Variants in TBC1D12 observed in about 807,000 individuals in gnomAD.
TBC1D12 encodes the protein TBC1 domain family, member 12.
In TBC1D12, 56 loss-of-function variants were observed where a neutral mutation model predicts 86.7. The observed-to-expected ratio is 0.65, with a 90% confidence interval of 0.52 to 0.81. The LOEUF (loss-of-function observed/expected upper bound fraction) is 0.81. Ranked by LOEUF, TBC1D12 falls within the 30% of genes least tolerant of loss-of-function variation. The pLI is 0.00. For missense variants in TBC1D12, 1,023 were observed against 1,038.8 expected, an observed-to-expected ratio of 0.98 and a Z score of 0.21; for synonymous variants, 421 against 411.7, an observed-to-expected ratio of 1.02 and a Z score of -0.27.
chr10:94,407,432 A>T (rs1030284064), intron 1 of TBC1D12, among the ~76,000 whole-genome samples: 3 of 152,246 alleles, frequency 2.0e-5, no homozygotes, highest in African/African-American at 7.2e-5. Flanking sequence ...CTGTAATCCC[A>T]ACACTTTGGG....
At chr10:94,448,090 A>T (rs2055496965) in intron 2 of TBC1D12, among the ~76,000 whole-genome samples, 1 of 152,098 alleles carries the variant, frequency 6.6e-6, no homozygotes, top group Middle Eastern at 3.2e-3. Flanking sequence ...ATAAATTTTG[A>T]CAGGCAAGGA....
intron 9 of TBC1D12, among the ~76,000 whole-genome samples, chr10:94,516,836 A>G (rs1378932155): frequency 1.3e-5 from 2 of 152,232 alleles, no homozygotes; most frequent in Middle Eastern, 3.4e-3. Context: ...CTCAATTTCT[A>G]TAAAGTATCC....
intron 1 of TBC1D12, among the ~76,000 whole-genome samples, chr10:94,428,690 A>G (rs1292708835): frequency 6.6e-6 from 1 of 151,900 alleles, no homozygotes; most frequent in Non-Finnish European, 1.5e-5. Flanking sequence ...GCTTGTAGAC[A>G]ACCTGTGGCC....
At position 94,533,162 on chromosome 10, in the gene TBC1D12, T is replaced by A; in HGVS notation, c.*66T>A. The A allele has an allele frequency of 1.0e-6, 1 of 985,682 alleles. No individual in the cohort carries two copies. Among genetic ancestry groups the A allele is most frequent in the Non-Finnish European group, 1.5e-6 (1 of 665,186 alleles). The allele number at this position is 985,682 out of a possible 1,614,324, so 61.1% of individuals were successfully genotyped here. ...TTTTGGATAAAGGTTTTTTGTTTCC[T>A]ATGTAAAAGGCGTGGAAGAAAATGT... On this transcript the variant is annotated 3_prime_UTR_variant, in exon 13 of 13. Coordinates refer to ENST00000225235, the MANE Select transcript of TBC1D12 (RefSeq NM_015188.2).
intron 2 of TBC1D12, among the ~76,000 whole-genome samples, chr10:94,467,567 T>C (rs968295655): frequency 2.6e-5 from 4 of 152,202 alleles, no homozygotes; most frequent in Non-Finnish European, 1.5e-5. Context: ...AATGTTAAGA[T>C]GTTTACTCAT....
intron 9 of TBC1D12, 87 bp from the exon 10 acceptor site, chr10:94,521,868 A>C: frequency 8.3e-7 from 1 of 1,202,642 alleles, no homozygotes; most frequent in Non-Finnish European, 1.1e-6. Context: ...TTGTAATGTC[A>C]CTGTAATTTT....
chr10:94,525,797 T>C lies in TBC1D12; in HGVS notation c.2000+3344T>C, dbSNP rs11816163. On this transcript the variant is annotated intron_variant, in intron 11 of 12. Coordinates refer to ENST00000225235, the MANE Select transcript of TBC1D12 (RefSeq NM_015188.2). ...AGATTTCTTTTTCTTTTCACTCTTT[T>C]GAAGTTTTAAAATATTTTTTTTAGT... 1.4e-3 allele frequency among the ~76,000 whole-genome samples: 220 copies of C among 152,216 alleles called. 3 individuals carry two copies. The highest frequency in any genetic ancestry group is 4.9e-3 in the African/African-American group (204 of 41,474).
intron 5 of TBC1D12, among the ~76,000 whole-genome samples, chr10:94,498,098 C>T (rs1206863118): frequency 2.0e-5 from 3 of 152,110 alleles, no homozygotes; most frequent in African/African-American, 7.2e-5. Flanking sequence ...AGATTACAGG[C>T]GTGAGCCACC....
In TBC1D12 at chr10:94,433,349, C is replaced by T. The variant is rs571336082; in HGVS notation, c.972-8547C>T. On this transcript the variant is annotated intron_variant, in intron 1 of 12. Transcript: ENST00000225235. ...GGCCAGGCTGTTCTCGAACTCCTGA[C>T]TGCAGGTGATCCACCCACCTCAGCC... Among the ~76,000 whole-genome samples the T allele has an allele frequency of 1.9e-4, 29 of 152,230 alleles. No homozygotes were observed. The South Asian group carries it at 6.0e-3, about 32-fold the overall frequency.
chr10:94,414,256 G>C (rs1028692726), intron 1 of TBC1D12, among the ~76,000 whole-genome samples: 2 of 152,118 alleles, frequency 1.3e-5, no homozygotes, highest in African/African-American at 4.8e-5. Flanking sequence ...CGTTATTCTT[G>C]TTAAGGTGGT....
In TBC1D12 at chr10:94,507,184, A is replaced by G. The variant is rs1261191521; in HGVS notation, c.1520-83A>G. 6 of 1,359,210 alleles carry G rather than the reference A, an allele frequency of 4.4e-6. No homozygotes were observed. In the East Asian group the frequency reaches 1.5e-4, roughly 33 times the overall value. 84.2% of individuals were successfully genotyped at this position (1,359,210 alleles called of 1,614,324 possible). On this transcript the variant is annotated intron_variant, in intron 6 of 12. Transcript: ENST00000225235. ...CTACATCAGAGAGACCTGACCTGTA[A>G]TAGGTAAAGAGTAAAAATTAAAATT...
chr10:94,429,001 A>T (rs1460628613), intron 1 of TBC1D12, among the ~76,000 whole-genome samples: 1 of 152,032 alleles, frequency 6.6e-6, no homozygotes, highest in Non-Finnish European at 1.5e-5. Flanking sequence ...CATCATGCTC[A>T]GCAGGTTGAT....
intron 2 of TBC1D12, among the ~76,000 whole-genome samples, chr10:94,472,643 A>G (rs2055925770): frequency 6.6e-6 from 1 of 152,228 alleles, no homozygotes; most frequent in East Asian, 1.9e-4. Flanking sequence ...TAAGAAAAAC[A>G]TGAGCAGAAA....
intron 1 of TBC1D12, among the ~76,000 whole-genome samples, chr10:94,417,874 C>G (rs1261209657): frequency 3.4e-5 from 4 of 117,642 alleles, no homozygotes; most frequent in Admixed American, 3.2e-4. Context: ...TCACGCCTCC[C>G]GAGTAGCTGG....
chr10:94,418,707 G>C (rs575281182), intron 1 of TBC1D12, among the ~76,000 whole-genome samples: 5 of 151,784 alleles, frequency 3.3e-5, no homozygotes, highest in African/African-American at 1.2e-4. Context: ...GAGTAGCTGG[G>C]ATTACAGTCA....
At chr10:94,469,161 C>T (rs1474704176) in intron 2 of TBC1D12, among the ~76,000 whole-genome samples, 2 of 152,148 alleles carry the variant, frequency 1.3e-5, no homozygotes, top group African/African-American at 4.8e-5. Flanking sequence ...AGCCCTCAGC[C>T]GTCTAAAATT....
chr10:94,501,960 T>G (rs2056403474), intron 6 of TBC1D12, among the ~76,000 whole-genome samples: 1 of 151,732 alleles, frequency 6.6e-6, no homozygotes. Context: ...GCCCAGGAGT[T>G]TAAGGTTACA....
At chr10:94,439,910 C>T (rs1360821909) in intron 1 of TBC1D12, among the ~76,000 whole-genome samples, 2 of 152,196 alleles carry the variant, frequency 1.3e-5, no homozygotes, top group Non-Finnish European at 2.9e-5. Flanking sequence ...ATAAGTGGTA[C>T]ACAACGTATC....
intron 8 of TBC1D12, among the ~76,000 whole-genome samples, chr10:94,511,296 C>A (rs1432539256): frequency 1.3e-5 from 2 of 151,768 alleles, no homozygotes; most frequent in African/African-American, 4.8e-5. Flanking sequence ...TGGGGTTTCA[C>A]CATGTTAGCC....
Sources: gnomAD v4.1 joint callset for allele counts (sites outside exome capture counted in the v4.1 genomes callset) on GRCh38, gnomAD v4.1.1 for gene constraint, MANE v1.5 for transcripts, NCBI Gene and HGNC (gene_info 2026-07-23, HGNC 2026-07-21) for gene names.